RORA: variants seen among roughly 807,000 people sequenced by gnomAD.
The protein encoded by RORA is RAR related orphan receptor A.
In RORA, 7 loss-of-function variants were observed where a neutral mutation model predicts 69.5. The ratio of observed to expected loss-of-function variants is 0.10; its 90% CI spans 0.06 to 0.19. RORA has a LOEUF of 0.19. Among genes scored for constraint, RORA ranks in the 10% least tolerant of loss-of-function variants. The pLI is 1.00. For synonymous variants in RORA, 261 were observed against 240.8 expected (o/e 1.08, Z -0.78); for missense variants, 457 against 663.0 (o/e 0.69, Z 3.41).
rs2073013794 is a variant in RORA at position 60,829,609 on chromosome 15, A to G, written c.167-150923T>C. On this transcript the variant is annotated intron_variant, in intron 1 of 10. Coordinates refer to ENST00000335670, the MANE Select transcript of RORA (RefSeq NM_134261.3). ...TGGTATAAGCTCGCCAGGACAGCAC[A>G]TGGAAAGAGTTTGTCAGTTCTTCCA... 3.3e-5 allele frequency among the ~76,000 whole-genome samples: 5 copies of G among 152,168 alleles called. 1 individual carries two copies. The highest frequency in any genetic ancestry group is 3.3e-4 in the Admixed American group (5 of 15,282).
At chr15:60,770,000 C>A (rs1270086305) in intron 1 of RORA, among the ~76,000 whole-genome samples, 1 of 152,218 alleles carries the variant, frequency 6.6e-6, no homozygotes, top group Non-Finnish European at 1.5e-5. Flanking sequence ...GTGCTATAAC[C>A]TGTTTTGAGT....
intron 1 of RORA, 119 bp from the exon 2 acceptor site, chr15:60,678,805 G>C (rs2070594552): frequency 1.2e-6 from 1 of 825,884 alleles, no homozygotes; most frequent in African/African-American, 1.7e-5. Flanking sequence ...GTGGAAGCAA[G>C]ACCAGTTTTA....
intron 1 of RORA, among the ~76,000 whole-genome samples, chr15:60,739,083 G>A (rs893867231): frequency 3.3e-5 from 5 of 152,274 alleles, no homozygotes; most frequent in Admixed American, 6.5e-5. Context: ...CAAGGTACTG[G>A]GGATTATGAT....
chr15:60,933,041 AG>A (rs1892419954), intron 1 of RORA, among the ~76,000 whole-genome samples: 1 of 152,182 alleles, frequency 6.6e-6, no homozygotes, highest in South Asian at 2.1e-4. Flanking sequence ...TTGCAGACAC[AG>A]AATGCTTAGT....
At chr15:60,499,315 T>C (rs1229792012) in intron 10 of RORA, among the ~76,000 whole-genome samples, 1 of 152,136 alleles carries the variant, frequency 6.6e-6, no homozygotes, top group South Asian at 2.1e-4. Flanking sequence ...GAGGATTGCT[T>C]GAGGCCAGGA....
chr15:60,945,707 T>C (rs1344741608), intron 1 of RORA, among the ~76,000 whole-genome samples: 1 of 152,160 alleles, frequency 6.6e-6, no homozygotes, highest in Non-Finnish European at 1.5e-5. Flanking sequence ...CAAGGGGCAC[T>C]TTTTTGGCAA....
At chr15:60,504,727 A>G (rs1848167015) in intron 6 of RORA, among the ~76,000 whole-genome samples, 1 of 152,202 alleles carries the variant, frequency 6.6e-6, no homozygotes, top group African/African-American at 2.4e-5. Flanking sequence ...ATGTGTTGCT[A>G]TTCCCCAACA....
intron 1 of RORA, among the ~76,000 whole-genome samples, chr15:60,938,375 G>A (rs115658608): frequency 6.6e-6 from 1 of 152,294 alleles, no homozygotes; most frequent in African/African-American, 2.4e-5. Flanking sequence ...TTGTTACCAT[G>A]ACAATTAAGT....
intron 1 of RORA, among the ~76,000 whole-genome samples, chr15:61,192,160 T>C (rs1466454803): frequency 6.6e-6 from 1 of 152,242 alleles, no homozygotes; most frequent in Non-Finnish European, 1.5e-5. Flanking sequence ...TTGTGATTTA[T>C]TGAGAAGGGT....
At chr15:60,743,456 G>C (rs773905594) in intron 1 of RORA, among the ~76,000 whole-genome samples, 23 of 152,116 alleles carry the variant, frequency 1.5e-4, no homozygotes, top group Non-Finnish European at 2.8e-4. Flanking sequence ...TTATTTTTAG[G>C]CTTAAGTGGA....
intron 1 of RORA, among the ~76,000 whole-genome samples, chr15:61,017,179 T>A (rs1051498886): frequency 6.6e-6 from 1 of 152,302 alleles, no homozygotes; most frequent in Admixed American, 6.5e-5. Flanking sequence ...CAGGGCTCCA[T>A]TGGAATAAGT....
At chr15:60,520,408 G>C (rs1183402490) in intron 3 of RORA, 2 of 152,122 alleles carry the variant, frequency 1.3e-5, no homozygotes, top group East Asian at 3.8e-4. Context: ...GTATTCCTTG[G>C]GGGGCGGGGT....
intron 1 of RORA, among the ~76,000 whole-genome samples, chr15:60,845,308 A>G (rs1225790362): frequency 6.6e-6 from 1 of 152,182 alleles, no homozygotes; most frequent in Non-Finnish European, 1.5e-5. Context: ...GCATCACGGT[A>G]TTCTGATGTA....
intron 1 of RORA, among the ~76,000 whole-genome samples, chr15:60,987,908 C>T (rs1003814908): frequency 6.6e-6 from 1 of 152,336 alleles, no homozygotes; most frequent in Non-Finnish European, 1.5e-5. Flanking sequence ...TCTTTACCTA[C>T]AAGTGCTCTC....
At chr15:61,223,751 A>C (rs1309016650) in intron 1 of RORA, among the ~76,000 whole-genome samples, 1 of 152,182 alleles carries the variant, frequency 6.6e-6, no homozygotes, top group East Asian at 1.9e-4. Flanking sequence ...CGTATTCAAC[A>C]AGTAAAGGAC....
At chr15:61,105,681 A>G (rs2078941647) in intron 1 of RORA, among the ~76,000 whole-genome samples, 1 of 152,220 alleles carries the variant, frequency 6.6e-6, no homozygotes, top group Non-Finnish European at 1.5e-5. Context: ...ACACAATGTA[A>G]GGAATGCAGC....
rs541345723 is a variant in RORA, at chr15:61,040,406, G to A, written c.166+188647C>T. 2.1e-3 allele frequency among the ~76,000 whole-genome samples: 323 copies of A among 151,824 alleles called. 1 individual carries two copies. Among genetic ancestry groups the A allele is most frequent in the African/African-American group, 7.6e-3 (315 of 41,374 alleles). ...CTTCATTTCTCTAGTCTGCTTGCCTGACCTCAGCTCACGATACCTATTTTA... is the reference window on the plus strand; with the variant it reads ...CTTCATTTCTCTAGTCTGCTTGCCTAACCTCAGCTCACGATACCTATTTTA... On this transcript the variant is annotated intron_variant, in intron 1 of 10. Coordinates refer to ENST00000335670, the MANE Select transcript of RORA (RefSeq NM_134261.3).
At chr15:61,124,020 C>T (rs1000409553) in intron 1 of RORA, among the ~76,000 whole-genome samples, 1 of 152,174 alleles carries the variant, frequency 6.6e-6, no homozygotes, top group East Asian at 1.9e-4. Flanking sequence ...TCAAAACATA[C>T]ATGCGAACAG....
At chr15:60,831,114 G>A (rs58633384) in intron 1 of RORA, among the ~76,000 whole-genome samples, 13,709 of 152,230 alleles carry the variant, frequency 0.09, 1,327 homozygotes, top group African/African-American at 0.24. Flanking sequence ...CATTAAATAA[G>A]CTGTGTCTTC....
Sources: allele counts gnomAD v4.1 joint callset (sites outside exome capture counted in the v4.1 genomes callset), GRCh38; gene constraint gnomAD v4.1.1; transcripts MANE v1.5; gene names NCBI Gene and HGNC (gene_info 2026-07-23, HGNC 2026-07-21).